SPOCK3: variants seen among roughly 807,000 people sequenced by gnomAD.
The protein encoded by SPOCK3 is testican-3.
In SPOCK3, 30 loss-of-function variants were observed where a neutral mutation model predicts 56.6. The ratio of observed to expected loss-of-function variants is 0.53; its 90% CI spans 0.40 to 0.72. The LOEUF is 0.72. Ranked by LOEUF, SPOCK3 falls within the 30% of genes least tolerant of loss-of-function variation. SPOCK3 has a pLI of 0.00. For missense variants in SPOCK3, 527 were observed against 530.0 expected (o/e 0.99, Z 0.06); for synonymous variants, 196 against 183.3 (o/e 1.07, Z -0.56).
chr4:167,038,585 A>T (rs1266548533), intron 3 of SPOCK3, among the ~76,000 whole-genome samples: 1 of 146,124 alleles, frequency 6.8e-6, no homozygotes, highest in African/African-American at 2.5e-5. Flanking sequence ...TCACATGACC[A>T]CTCCCAGGGT....
chr4:167,057,550 T>A (rs1214310406), intron 3 of SPOCK3, among the ~76,000 whole-genome samples: 1 of 151,964 alleles, frequency 6.6e-6, no homozygotes, highest in Non-Finnish European at 1.5e-5. Flanking sequence ...CCATCTCATG[T>A]GCAGAGACAC....
intron 7 of SPOCK3, among the ~76,000 whole-genome samples, chr4:166,767,003 T>C (rs569012572): frequency 6.6e-6 from 1 of 152,318 alleles, no homozygotes; most frequent in African/African-American, 2.4e-5. Flanking sequence ...TCTTTGATGG[T>C]AGTTTGTATT....
At chr4:167,015,124 T>C (rs1750492351) in intron 3 of SPOCK3, among the ~76,000 whole-genome samples, 1 of 152,072 alleles carries the variant, frequency 6.6e-6, no homozygotes, top group Admixed American at 6.6e-5. Context: ...CAGAGGGTGC[T>C]CCTCTAGAAG....
intron 2 of SPOCK3, among the ~76,000 whole-genome samples, chr4:167,225,704 C>T (rs1405222068): frequency 6.6e-6 from 1 of 151,942 alleles, no homozygotes; most frequent in African/African-American, 2.4e-5. Context: ...GACAGTGCAA[C>T]TCACCATCTC....
intron 3 of SPOCK3, among the ~76,000 whole-genome samples, chr4:167,026,499 T>C (rs1038319677): frequency 6.6e-6 from 1 of 152,054 alleles, no homozygotes; most frequent in African/African-American, 2.4e-5. Flanking sequence ...TGTGACACCC[T>C]TTGCCAAATA....
At chr4:167,209,029 ATATAT>A (rs1453998723) in intron 2 of SPOCK3, among the ~76,000 whole-genome samples, 1 of 152,172 alleles carries the variant, frequency 6.6e-6, no homozygotes, top group African/African-American at 2.4e-5. Flanking sequence ...AAGTGGATGA[ATATAT>A]TATAATTCAA....
chr4:166,927,321 T>A (rs1292616863), intron 4 of SPOCK3, among the ~76,000 whole-genome samples: 2 of 152,114 alleles, frequency 1.3e-5, no homozygotes, highest in African/African-American at 4.8e-5. Flanking sequence ...ACAGTTCCTG[T>A]GGTAGTTCAT....
At chr4:167,206,332 A>T (rs78025856) in intron 2 of SPOCK3, among the ~76,000 whole-genome samples, 1 of 151,464 alleles carries the variant, frequency 6.6e-6, no homozygotes, top group African/African-American at 2.4e-5. Flanking sequence ...CTTGAAAAAT[A>T]AAAAAAAATA....
intron 4 of SPOCK3, among the ~76,000 whole-genome samples, chr4:166,975,680 C>T (rs1484667171): frequency 6.6e-6 from 1 of 152,090 alleles, no homozygotes; most frequent in Non-Finnish European, 1.5e-5. Context: ...CCTTCCCAGC[C>T]TCTGGTAATC....
Position 167,169,736 on chromosome 4 carries a change from A to C in SPOCK3, c.189+64249T>G, listed in dbSNP as rs575452572. On this transcript the variant is annotated intron_variant, in intron 2 of 10. Transcript: ENST00000357545. ...GAGATTTTTGAGGGTCCAGGGGAGGAATAAATATGGTTTAGCTGTGTCCCC... is the reference window on the plus strand; with the variant it reads ...GAGATTTTTGAGGGTCCAGGGGAGGCATAAATATGGTTTAGCTGTGTCCCC... 3.6e-5 allele frequency among the ~76,000 whole-genome samples: 5 copies of C among 137,662 alleles called. No homozygotes were observed. The South Asian group carries it at 8.7e-4, about 24-fold the overall frequency. The allele number at this position is 137,662 out of a possible 152,430, so 90.3% of individuals were successfully genotyped here.
chr4:166,852,368 C>G (rs1483748294), intron 6 of SPOCK3, among the ~76,000 whole-genome samples: 1 of 151,768 alleles, frequency 6.6e-6, no homozygotes, highest in Non-Finnish European at 1.5e-5. Flanking sequence ...TCCAGAGAAA[C>G]CTTGAAAACT....
rs17052657 is a variant in SPOCK3 at position 166,893,252 on chromosome 4, G to T, written c.475-4008C>A. On this transcript the variant is annotated intron_variant, in intron 5 of 10. Coordinates refer to ENST00000357545, the MANE Select transcript of SPOCK3 (RefSeq NM_001040159.2). Reference sequence around the variant, plus strand: ...TAGTCTACTGTAAGGCAATGAAAGGGTTAATTCAATTCTCAAGATCCCTTC... The same window carrying T: ...TAGTCTACTGTAAGGCAATGAAAGGTTTAATTCAATTCTCAAGATCCCTTC... Among the ~76,000 whole-genome samples, 1,222 of 152,178 alleles carry T rather than the reference G, an allele frequency of 8.0e-3. 15 individuals are homozygous for T. Among genetic ancestry groups the T allele is most frequent in the African/African-American group, 0.027 (1,129 of 41,536 alleles).
chr4:167,056,474 G>A (rs1161201109), intron 3 of SPOCK3, among the ~76,000 whole-genome samples: 4 of 152,118 alleles, frequency 2.6e-5, no homozygotes, highest in Admixed American at 6.5e-5. Context: ...GGCTTCAGAC[G>A]ATCAAACTAC....
chr4:167,189,719 T>C (rs1375303742), intron 2 of SPOCK3, among the ~76,000 whole-genome samples: 2 of 145,600 alleles, frequency 1.4e-5, no homozygotes, highest in Non-Finnish European at 3.0e-5. Flanking sequence ...ACACTGTACA[T>C]TAAATCCCCA....
chr4:166,772,249 A>G (rs1739030124), intron 7 of SPOCK3, among the ~76,000 whole-genome samples: 1 of 152,132 alleles, frequency 6.6e-6, no homozygotes, highest in Admixed American at 6.6e-5. Flanking sequence ...AGTATGTCAA[A>G]TGAACAAAAA....
chr4:167,045,979 C>A (rs1172959113), intron 3 of SPOCK3, among the ~76,000 whole-genome samples: 1 of 152,134 alleles, frequency 6.6e-6, no homozygotes, highest in Non-Finnish European at 1.5e-5. Flanking sequence ...ATATTTCCTG[C>A]AAGTCATGTA....
chr4:166,872,465 T>C (rs1329872755), intron 6 of SPOCK3, among the ~76,000 whole-genome samples: 1 of 152,134 alleles, frequency 6.6e-6, no homozygotes, highest in African/African-American at 2.4e-5. Context: ...GGTATACACA[T>C]AAACTTATGT....
intron 2 of SPOCK3, among the ~76,000 whole-genome samples, chr4:167,196,566 G>A (rs1369483055): frequency 1.3e-5 from 2 of 151,872 alleles, no homozygotes; most frequent in South Asian, 4.2e-4. Flanking sequence ...GATTCCGTAA[G>A]TTTACATCAT....
At chr4:166,779,253 A>T (rs1739903540) in intron 7 of SPOCK3, among the ~76,000 whole-genome samples, 1 of 152,194 alleles carries the variant, frequency 6.6e-6, no homozygotes, top group South Asian at 2.1e-4. Flanking sequence ...ATTTTGAGAC[A>T]TGTTAAAAAT....
Sources: gnomAD v4.1 joint callset for allele counts (sites outside exome capture counted in the v4.1 genomes callset) on GRCh38, gnomAD v4.1.1 for gene constraint, MANE v1.5 for transcripts, NCBI Gene and HGNC (gene_info 2026-07-23, HGNC 2026-07-21) for gene names.